ACACA: variants seen among roughly 807,000 people sequenced by gnomAD.
ACACA encodes acetyl-CoA carboxylase 1.
In ACACA, 103 loss-of-function variants were observed where a neutral mutation model predicts 296.1. The observed-to-expected ratio is 0.35, with a 90% CI of 0.30 to 0.41. The LOEUF (loss-of-function observed/expected upper bound fraction) is 0.41, where lower values mean the gene tolerates loss of function less well. ACACA is among the 10% of genes least tolerant of loss of function. The pLI is 1.00. For missense variants in ACACA, 1,554 were observed against 2,989.7 expected, an observed-to-expected ratio of 0.52 and a Z score of 11.20; for synonymous variants, 953 against 1,038.6, an observed-to-expected ratio of 0.92 and a Z score of 1.58.
At chr17:37,186,068 T>C (rs1394232663) in intron 39 of ACACA, among the ~76,000 whole-genome samples, 1 of 152,196 alleles carries the variant, frequency 6.6e-6, no homozygotes, top group Non-Finnish European at 1.5e-5. Flanking sequence ...GAATAAATGA[T>C]GTGCTAGGGC....
chr17:37,156,686 C>T (rs918032599), intron 42 of ACACA, among the ~76,000 whole-genome samples: 1 of 152,198 alleles, frequency 6.6e-6, no homozygotes, highest in African/African-American at 2.4e-5. Context: ...TGTATCTATA[C>T]ACACAGCCAC....
chr17:37,381,890 G>T (rs193284742), intron 1 of ACACA, among the ~76,000 whole-genome samples: 1 of 151,646 alleles, frequency 6.6e-6, no homozygotes, highest in Non-Finnish European at 1.5e-5. Context: ...GCCTCCCAAA[G>T]TGCTGGGATT....
intron 1 of ACACA, among the ~76,000 whole-genome samples, chr17:37,352,056 G>A (rs1385510189): frequency 6.7e-6 from 1 of 149,768 alleles, no homozygotes; most frequent in African/African-American, 2.5e-5. Flanking sequence ...TCAGCCTCCC[G>A]AGTAGCTGGG....
At chr17:37,108,269 C>T (rs968769784) in intron 52 of ACACA, among the ~76,000 whole-genome samples, 1 of 152,024 alleles carries the variant, frequency 6.6e-6, no homozygotes, top group Non-Finnish European at 1.5e-5. Context: ...CATCTTTCCA[C>T]CCAAACTAAC....
At chr17:37,348,792 A>G (rs1191378623) in intron 1 of ACACA, among the ~76,000 whole-genome samples, 1 of 151,826 alleles carries the variant, frequency 6.6e-6, no homozygotes, top group Non-Finnish European at 1.5e-5. Context: ...TACTAAAAAT[A>G]CAAAAAATTA....
intron 3 of ACACA, among the ~76,000 whole-genome samples, chr17:37,327,736 G>C (rs2047685789): frequency 6.6e-6 from 1 of 152,190 alleles, no homozygotes; most frequent in African/African-American, 2.4e-5. Flanking sequence ...GGTGCTGTGT[G>C]GTTTTATGGA....
intron 20 of ACACA, 70 bp from the exon 21 acceptor site, chr17:37,244,804 T>A: frequency 6.3e-7 from 1 of 1,593,660 alleles, no homozygotes. Flanking sequence ...CCACTGCACT[T>A]AAGAGTTATC....
Position 37,257,880 on chromosome 17 carries a change from A to C in ACACA, c.1663-14T>G. 1.2e-6 allele frequency: 2 copies of C among 1,613,722 alleles called. No individual in the cohort carries two copies. Among genetic ancestry groups the C allele is most frequent in the Non-Finnish European group, 1.7e-6 (2 of 1,179,660 alleles). On this transcript the variant is annotated splice_polypyrimidine_tract_variant and intron_variant, in intron 13 of 55. Transcript: ENST00000616317. ...GGGCTTAAAACCCTGTTAGAGAATA[A>C]AGAATGAGAGACCATATTATGTTTC...
chr17:37,390,112 C>T (rs1343081980), intron 1 of ACACA, among the ~76,000 whole-genome samples: 1 of 83,232 alleles, frequency 1.2e-5, no homozygotes, highest in Non-Finnish European at 2.3e-5. Context: ...GGCAACATAG[C>T]GAGACACTGT....
chr17:37,159,163 G>A (rs2076367594), intron 42 of ACACA, among the ~76,000 whole-genome samples: 1 of 151,672 alleles, frequency 6.6e-6, no homozygotes, highest in South Asian at 2.1e-4. Flanking sequence ...GGGTGACAGA[G>A]CTAGACCCTG....
intron 1 of ACACA, chr17:37,377,867 G>C: frequency 6.3e-7 from 1 of 1,591,378 alleles, no homozygotes; most frequent in Non-Finnish European, 8.6e-7. Flanking sequence ...CTCCCCCTCT[G>C]CTCACCCCCA....
chr17:37,126,512 A>AG (rs1473752304), intron 47 of ACACA, among the ~76,000 whole-genome samples: 1 of 152,080 alleles, frequency 6.6e-6, no homozygotes, highest in Non-Finnish European at 1.5e-5. Flanking sequence ...TAAAAAAAAA[A>AG]CTTTTGTTCC....
At chr17:37,342,208 A>G (rs2048397942) in intron 1 of ACACA, among the ~76,000 whole-genome samples, 2 of 151,454 alleles carry the variant, frequency 1.3e-5, no homozygotes, top group African/African-American at 4.8e-5. Flanking sequence ...TCGGAGTTCG[A>G]GAACAGCTGG....
At chr17:37,191,859 T>A in intron 37 of ACACA, among the ~76,000 whole-genome samples, 1 of 151,730 alleles carries the variant, frequency 6.6e-6, no homozygotes, top group East Asian at 1.9e-4. Flanking sequence ...CTTCATTTTT[T>A]ATTTTTTTTC....
intron 1 of ACACA, among the ~76,000 whole-genome samples, chr17:37,385,426 T>A (rs1382046711): frequency 6.6e-6 from 1 of 151,820 alleles, no homozygotes; most frequent in Non-Finnish European, 1.5e-5. Flanking sequence ...TGAGCTGAGA[T>A]CACACCATTG....
chr17:37,400,244 T>C (rs937475400), intron 1 of ACACA, among the ~76,000 whole-genome samples: 35 of 151,988 alleles, frequency 2.3e-4, no homozygotes, highest in South Asian at 4.1e-4. Context: ...CTCAGCCTCC[T>C]GAGTAGTTGG....
Position 37,086,977 on chromosome 17 carries a change from C to A in ACACA, c.*339G>T. ...TTCCCCATGCTGGGAGGCCAAGGGG[C>A]TGTCAGGACAGGAGGGGCAGCCCTA... On this transcript the variant is annotated 3_prime_UTR_variant, in exon 56 of 56. Transcript: ENST00000616317. The A allele has an allele frequency of 2.6e-6, 1 of 380,976 alleles. No homozygotes were observed. The highest frequency in any genetic ancestry group is 3.8e-5 in the Admixed American group (1 of 26,212). 23.6% of individuals were successfully genotyped at this position (380,976 alleles called of 1,614,324 possible). A position where few individuals can be genotyped will look rare whatever the true frequency, so the allele number is the denominator to read the frequency against.
At chr17:37,308,894 G>T (rs915444827) in intron 3 of ACACA, among the ~76,000 whole-genome samples, 10 of 152,046 alleles carry the variant, frequency 6.6e-5, no homozygotes, top group Non-Finnish European at 1.3e-4. Flanking sequence ...CCAAGATTGC[G>T]CTACTGCCCT....
intron 45 of ACACA, among the ~76,000 whole-genome samples, chr17:37,134,565 G>C (rs1362791543): frequency 6.6e-6 from 1 of 152,166 alleles, no homozygotes; most frequent in African/African-American, 2.4e-5. Flanking sequence ...ATCATGTGCT[G>C]AAGATGTGAA....
Sources: allele counts gnomAD v4.1 joint callset (sites outside exome capture counted in the v4.1 genomes callset), GRCh38; gene constraint gnomAD v4.1.1; transcripts MANE v1.5; gene names NCBI Gene and HGNC (gene_info 2026-07-23, HGNC 2026-07-21).